PHF20L1: variants seen among roughly 807,000 people sequenced by gnomAD.
The protein encoded by PHF20L1 is PHD finger protein 20-like protein 1.
A neutral mutation model predicts 125.5 loss-of-function variants in PHF20L1; 44 were observed. The ratio of observed to expected loss-of-function variants is 0.35; its 90% CI spans 0.28 to 0.45. The LOEUF is 0.45. PHF20L1 is among the 20% of genes least tolerant of loss of function. The pLI is 1.00. For synonymous variants in PHF20L1, 380 were observed against 403.1 expected (o/e 0.94, Z 0.69); for missense variants, 1,012 against 1,217.2 (o/e 0.83, Z 2.51).
At position 132,814,663 on chromosome 8, in the gene PHF20L1, GA is replaced by G; in HGVS notation, c.965del (p.Asn322MetfsTer42). The G allele has an allele frequency of 5.0e-6, 8 of 1,601,184 alleles. No individual in the cohort carries two copies. Among genetic ancestry groups the G allele is most frequent in the Non-Finnish European group, 6.0e-6 (7 of 1,173,696 alleles). ...QAISPKPQSQ[K>X]KNEADISSSA... Reference sequence around the variant, plus strand: ...CGATTTCACCTAAACCTCAAAGTCAGAAAAAAAATGAAGCTGACATTAGCAG... The same window carrying G: ...CGATTTCACCTAAACCTCAAAGTCAGAAAAAAATGAAGCTGACATTAGCAG... On this transcript the variant is annotated frameshift_variant, in exon 10 of 21. Transcript: ENST00000395386. LOFTEE classifies it high-confidence loss of function.
At chr8:132,799,043 G>T (rs369184257) in intron 5 of PHF20L1, 52 bp from the exon 6 acceptor site, 1 of 1,469,090 alleles carries the variant, frequency 6.8e-7, no homozygotes, top group Admixed American at 1.8e-5. Context: ...TTTGATTTTT[G>T]CTTCTTTGGT....
At chr8:132,778,025 T>C (rs1292358826) in intron 2 of PHF20L1, 114 bp downstream of exon 2, 6 of 672,640 alleles carry the variant, frequency 8.9e-6, no homozygotes, top group Non-Finnish European at 1.6e-5. Context: ...TATTCACATT[T>C]CGATTACACA....
chr8:132,792,825 C>T (rs968099728), intron 2 of PHF20L1, among the ~76,000 whole-genome samples: 6 of 152,106 alleles, frequency 3.9e-5, no homozygotes, highest in African/African-American at 1.4e-4. Context: ...AAAGGGGTTA[C>T]ATGTTTTCTT....
rs1483392917 is a variant in PHF20L1, at chr8:132,846,864, G to A, written c.*941G>A. The A allele has an allele frequency of 6.6e-6, 1 of 152,396 alleles. No homozygotes were observed. The highest frequency in any genetic ancestry group is 1.5e-5 in the Non-Finnish European group (1 of 67,960). The allele number at this position is 152,396 out of a possible 1,614,324, so 9.4% of individuals were successfully genotyped here. On this transcript the variant is annotated 3_prime_UTR_variant, in exon 21 of 21. Transcript: ENST00000395386. ...AAATACATTGTAAATAACCTCAGCTGGGATGAGGAGTGACAGAATATCAAA... is the reference window on the plus strand; with the variant it reads ...AAATACATTGTAAATAACCTCAGCTAGGATGAGGAGTGACAGAATATCAAA...
chr8:132,787,758 C>G (rs551836374), intron 2 of PHF20L1, among the ~76,000 whole-genome samples: 2 of 152,118 alleles, frequency 1.3e-5, no homozygotes, highest in South Asian at 4.2e-4. Flanking sequence ...AATGGGAAAA[C>G]ATTTTTGAAA....
At chr8:132,798,733 A>G (rs1432357744) in intron 4 of PHF20L1, 39 bp from the exon 5 acceptor site, 3 of 1,329,158 alleles carry the variant, frequency 2.3e-6, no homozygotes, top group East Asian at 2.4e-5. Flanking sequence ...GTAAACTTGA[A>G]TTATATTTTC....
At chr8:132,817,796 T>G (rs1284629462) in intron 12 of PHF20L1, 2 of 363,252 alleles carry the variant, frequency 5.5e-6, no homozygotes, top group East Asian at 4.8e-5. Context: ...TCTCCCTGCT[T>G]CTTTTTTATA....
At chr8:132,801,676 T>C (rs1030486843) in intron 6 of PHF20L1, among the ~76,000 whole-genome samples, 6 of 151,642 alleles carry the variant, frequency 4.0e-5, no homozygotes, top group African/African-American at 7.2e-5. Context: ...ATACACTGAA[T>C]TGATCACTAC....
Position 132,845,834 on chromosome 8 carries a change from G to A in PHF20L1, c.2965G>A (p.Ala989Thr). The A allele has an allele frequency of 6.2e-7, 1 of 1,610,490 alleles. No individual in the cohort carries two copies. Among genetic ancestry groups the A allele is most frequent in the South Asian group, 1.1e-5 (1 of 90,994 alleles). Residue 989 changes from alanine to threonine, a missense_variant, in exon 21 of 21, where the codon GCA becomes ACA. Coordinates refer to ENST00000395386, the MANE Select transcript of PHF20L1 (RefSeq NM_016018.5). ...TGELEPPDPL[A>T]RLPQLKRHIK... ...GGAGTTGGAGCCACCAGATCCTCTT[G>A]CAAGATTGCCCCAACTTAAACGCCA...
intron 8 of PHF20L1, among the ~76,000 whole-genome samples, chr8:132,806,120 A>G (rs1040691012): frequency 2.2e-4 from 33 of 151,876 alleles, no homozygotes; most frequent in Admixed American, 2.2e-3. Flanking sequence ...CGGAGATGAC[A>G]CTGACATGAT....
At position 132,799,088 on chromosome 8, in the gene PHF20L1, G is replaced by A. The variant is rs200710100; in HGVS notation, c.430-7G>A. On this transcript the variant is annotated splice_region_variant and splice_polypyrimidine_tract_variant and intron_variant, in intron 5 of 20. Coordinates refer to ENST00000395386, the MANE Select transcript of PHF20L1 (RefSeq NM_016018.5). ...CTAAAGTTATAGGTCACTAGTTTCT[G>A]TTCCAGGTGAAATCCCAGCATCCAC... The A allele has an allele frequency of 1.4e-5, 23 of 1,607,224 alleles. No homozygotes were observed. The highest frequency in any genetic ancestry group is 2.0e-5 in the Non-Finnish European group (23 of 1,175,456).
At chr8:132,837,185 A>T (rs1837454113) in intron 16 of PHF20L1, among the ~76,000 whole-genome samples, 1 of 151,788 alleles carries the variant, frequency 6.6e-6, no homozygotes, top group South Asian at 2.1e-4. Flanking sequence ...TTTAAGATAA[A>T]AGGAAAGCAT....
chr8:132,777,619 T>C (rs1242342597), intron 1 of PHF20L1, among the ~76,000 whole-genome samples, 173 bp from the exon 2 acceptor site: 1 of 152,234 alleles, frequency 6.6e-6, no homozygotes, highest in Non-Finnish European at 1.5e-5. Flanking sequence ...GCACAGAACT[T>C]TATATAGAGA....
intron 7 of PHF20L1, 116 bp from the exon 8 acceptor site, chr8:132,804,499 G>A (rs976196058): frequency 2.9e-6 from 2 of 681,602 alleles, no homozygotes; most frequent in South Asian, 2.0e-5. Context: ...TCTGTATCAA[G>A]TAGTAGATTA....
chr8:132,779,947 G>A lies in PHF20L1; in HGVS notation c.83+2036G>A, dbSNP rs114715978. ...GTTTAGATTTAATTTTAATGACCCT[G>A]GTAATAATAGTTCTCTTTAATGGAA... On this transcript the variant is annotated intron_variant, in intron 2 of 20. Coordinates refer to ENST00000395386, the MANE Select transcript of PHF20L1 (RefSeq NM_016018.5). Among the ~76,000 whole-genome samples, 670 of 152,118 alleles carry A rather than the reference G, an allele frequency of 4.4e-3. 4 individuals are homozygous for A. The highest frequency in any genetic ancestry group is 0.015 in the African/African-American group (637 of 41,504).
intron 15 of PHF20L1, chr8:132,836,238 A>G (rs1837345811): frequency 4.9e-6 from 1 of 203,086 alleles, no homozygotes; most frequent in Non-Finnish European, 1.0e-5. Context: ...GTGTATGGAA[A>G]CTGTGCAAAT....
intron 9 of PHF20L1, among the ~76,000 whole-genome samples, chr8:132,814,153 C>T (rs1834707177): frequency 6.6e-6 from 1 of 151,796 alleles, no homozygotes; most frequent in South Asian, 2.1e-4. Flanking sequence ...CTGTTCAGAT[C>T]TTTCTTTAAA....
intron 10 of PHF20L1, 39 bp downstream of exon 10, chr8:132,814,928 A>G (rs769791704): frequency 1.4e-6 from 2 of 1,405,670 alleles, no homozygotes; most frequent in Non-Finnish European, 2.0e-6. Context: ...TTTATCCTAT[A>G]AGATACATTA....
chr8:132,824,358 T>A, intron 13 of PHF20L1: 1 of 234,504 alleles, frequency 4.3e-6, no homozygotes, highest in Non-Finnish European at 8.2e-6. Flanking sequence ...TTAATATTGT[T>A]GAGACTTTAG....
Sources: gnomAD v4.1 joint callset for allele counts (sites outside exome capture counted in the v4.1 genomes callset) on GRCh38, gnomAD v4.1.1 for gene constraint, MANE v1.5 for transcripts, NCBI Gene and HGNC (gene_info 2026-07-23, HGNC 2026-07-21) for gene names.